Variants in DCAF8L2 observed in about 807,000 individuals in gnomAD.
DCAF8L2 encodes the protein DDB1 and CUL4 associated factor 8 like 2.
For synonymous variants in DCAF8L2, 200 were observed against 190.9 expected (o/e 1.05, Z -0.39); for missense variants, 430 against 490.7 (o/e 0.88, Z 1.17).
the DCAF8L2 span, among the ~76,000 whole-genome samples, chrX:27,535,061 T>C: frequency 8.9e-6 from 1 of 112,411 alleles, no homozygotes; most frequent in Non-Finnish European, 1.9e-5. Context: ...CTTTAAACTC[T>C]CTAGTCTTTA....
At chrX:27,731,069 A>T (rs1171846158) in intron 4 of DCAF8L2, among the ~76,000 whole-genome samples, 1 of 110,933 alleles carries the variant, frequency 9.0e-6, no homozygotes, top group Non-Finnish European at 1.9e-5. Context: ...TGTAATAAAA[A>T]TACTGTGGGC....
chrX:27,511,384 A>G, the DCAF8L2 span, among the ~76,000 whole-genome samples: 3 of 111,304 alleles, frequency 2.7e-5, no homozygotes, highest in South Asian at 1.1e-3. Flanking sequence ...ACATTCAAAC[A>G]GCTGTTCATA....
the DCAF8L2 span, among the ~76,000 whole-genome samples, chrX:27,570,696 G>A: frequency 1.8e-5 from 2 of 111,814 alleles, no homozygotes; most frequent in East Asian, 5.7e-4. Flanking sequence ...ATTCCATAGA[G>A]GTCTGGAGCA....
rs141772902 is a variant in DCAF8L2, at chrX:27,625,783, G to A, written c.-341-6096G>A. ...ACAGAAAACCAAATACCACATGTTC[G>A]TACTTTCAAGTGGGAGCCAAGCACT... On this transcript the variant is annotated intron_variant, in intron 1 of 4. Transcript: ENST00000451261. 7.3e-3 allele frequency among the ~76,000 whole-genome samples: 816 copies of A among 111,242 alleles called. 4 individuals carry two copies. Among genetic ancestry groups the A allele is most frequent in the African/African-American group, 0.026 (780 of 30,549 alleles).
At chrX:27,525,998 T>C in the DCAF8L2 span, among the ~76,000 whole-genome samples, 3 of 111,583 alleles carry the variant, frequency 2.7e-5, no homozygotes, top group Non-Finnish European at 3.8e-5. Flanking sequence ...CTGACAATTA[T>C]GTGTCTTGGA....
the DCAF8L2 span, among the ~76,000 whole-genome samples, chrX:27,549,824 G>A: frequency 9.0e-6 from 1 of 111,218 alleles, no homozygotes; most frequent in East Asian, 2.8e-4. Context: ...AGACATCCAA[G>A]TGCCTCTCCA....
At chrX:27,671,738 C>T (rs747927276) in intron 2 of DCAF8L2, among the ~76,000 whole-genome samples, 4 of 112,013 alleles carry the variant, frequency 3.6e-5, no homozygotes, top group East Asian at 5.6e-4. Context: ...CACAGCTTCT[C>T]GGACTGTGCA....
intron 1 of DCAF8L2, among the ~76,000 whole-genome samples, chrX:27,596,328 G>A (rs771618599): frequency 6.3e-5 from 7 of 111,280 alleles, no homozygotes; most frequent in East Asian, 5.7e-4. Context: ...AGAGAAATTC[G>A]TATCCCTTAA....
At chrX:27,605,659 G>C (rs1926833782) in intron 1 of DCAF8L2, among the ~76,000 whole-genome samples, 1 of 111,550 alleles carries the variant, frequency 9.0e-6, no homozygotes, top group Non-Finnish European at 1.9e-5. Flanking sequence ...CATTAGAAAA[G>C]GGTTCTAGTG....
chrX:27,710,912 G>A (rs1167951945), intron 3 of DCAF8L2, among the ~76,000 whole-genome samples: 2 of 111,613 alleles, frequency 1.8e-5, no homozygotes, highest in African/African-American at 6.5e-5. Flanking sequence ...AATTGAGGAA[G>A]TTGTCTTCTA....
intron 2 of DCAF8L2, among the ~76,000 whole-genome samples, chrX:27,662,460 CAA>C (rs1484114492): frequency 3.6e-5 from 4 of 111,345 alleles, no homozygotes; most frequent in Non-Finnish European, 7.6e-5. Context: ...TATTTTCTTT[CAA>C]AAGAGAGATA....
At chrX:27,654,788 T>C (rs1279246462) in intron 2 of DCAF8L2, among the ~76,000 whole-genome samples, 1 of 112,101 alleles carries the variant, frequency 8.9e-6, no homozygotes, top group African/African-American at 3.2e-5. Flanking sequence ...AAAATTCACC[T>C]AGTTCATTTA....
chrX:27,579,597 G>T, the DCAF8L2 span, among the ~76,000 whole-genome samples: 1 of 91,264 alleles, frequency 1.1e-5, no homozygotes, highest in Non-Finnish European at 2.1e-5. Context: ...TGCCTATTTG[G>T]ATGTAGTTTC....
chrX:27,564,487 G>A, the DCAF8L2 span, among the ~76,000 whole-genome samples: 3 of 108,271 alleles, frequency 2.8e-5, no homozygotes, highest in South Asian at 4.1e-4. Context: ...TGTAACAGTT[G>A]AGGTGCACGT....
chrX:27,704,179 TACACAC>T (rs1555930604), intron 3 of DCAF8L2, among the ~76,000 whole-genome samples: 2 of 85,475 alleles, frequency 2.3e-5, no homozygotes, highest in African/African-American at 9.7e-5. Flanking sequence ...TATATACATA[TACACAC>T]ACACATATGT....
the DCAF8L2 span, among the ~76,000 whole-genome samples, chrX:27,485,671 C>T: frequency 1.8e-5 from 2 of 111,040 alleles, no homozygotes; most frequent in Admixed American, 9.6e-5. Flanking sequence ...TCTTTCTACA[C>T]GAATAATTTT....
At chrX:27,595,349 A>G (rs986924408) in intron 1 of DCAF8L2, among the ~76,000 whole-genome samples, 2 of 111,755 alleles carry the variant, frequency 1.8e-5, no homozygotes, top group African/African-American at 3.2e-5. Context: ...ATTTTTGCCA[A>G]TCCTCTTCTC....
chrX:27,571,616 C>T, the DCAF8L2 span, among the ~76,000 whole-genome samples: 3 of 111,798 alleles, frequency 2.7e-5, no homozygotes, highest in East Asian at 8.4e-4. Flanking sequence ...GTATAGATTT[C>T]CTCCCCTTAA....
chrX:27,669,271 T>C (rs1201369601), intron 2 of DCAF8L2, among the ~76,000 whole-genome samples: 1 of 110,759 alleles, frequency 9.0e-6, no homozygotes, highest in Middle Eastern at 4.3e-3. Context: ...TGGAGCTTTC[T>C]GTTGAAAAGT....
Sources: allele counts gnomAD v4.1 joint callset (sites outside exome capture counted in the v4.1 genomes callset), GRCh38; gene constraint gnomAD v4.1.1; transcripts MANE v1.5; gene names NCBI Gene and HGNC (gene_info 2026-07-23, HGNC 2026-07-21).